VWCE: variants seen among roughly 807,000 people sequenced by gnomAD.
VWCE encodes the protein von Willebrand factor C and EGF domain-containing protein.
Under a neutral mutation model 102.9 loss-of-function variants are expected in VWCE, and 68 were observed. The ratio of observed to expected loss-of-function variants is 0.66; its 90% confidence interval spans 0.54 to 0.81. The LOEUF (loss-of-function observed/expected upper bound fraction) is 0.81, where lower values mean the gene tolerates loss of function less well. Ranked by LOEUF, VWCE falls within the 30% of genes least tolerant of loss-of-function variation. The probability of loss-of-function intolerance (pLI) is 0.00; values close to 1 mark genes in which losing one functional copy is unlikely to be tolerated. For missense variants in VWCE, 1,137 were observed against 1,263.6 expected, an observed-to-expected ratio of 0.90 and a Z score of 1.52; for synonymous variants, 497 against 515.4, an observed-to-expected ratio of 0.96 and a Z score of 0.48.
intron 14 of VWCE, chr11:61,269,472 A>T (rs1291190433): frequency 1.3e-5 from 2 of 157,566 alleles, no homozygotes; most frequent in African/African-American, 2.4e-5. Flanking sequence ...TTTAAGACGG[A>T]GTCTCACTCT....
Position 61,274,333 on chromosome 11 carries a change from G to C in VWCE, c.1581+166C>G, listed in dbSNP as rs569287791. 3.9e-5 allele frequency among the ~76,000 whole-genome samples: 6 copies of C among 152,290 alleles called. No individual in the cohort carries two copies. In the South Asian group the frequency reaches 1.2e-3, roughly 32 times the overall value. ...AGTGTTGAAAGATGAAGTTCAAAGA[G>C]ACTGTGGGAAGACCTGGGGGATCCC... On this transcript the variant is annotated intron_variant, in intron 12 of 19. Transcript: ENST00000335613.
chr11:61,286,017 G>C lies in VWCE; in HGVS notation c.541+297C>G, dbSNP rs187886099. ...GATCCTCCCGCCTTGACCTCCCAAA[G>C]TGCAAGGATTACAGATGTGAGTCAA... On this transcript the variant is annotated intron_variant, in intron 5 of 19. Transcript: ENST00000335613. Among the ~76,000 whole-genome samples, 1,387 of 152,286 alleles carry C rather than the reference G, an allele frequency of 9.1e-3. 27 individuals carry two copies. The highest frequency in any genetic ancestry group is 0.031 in the African/African-American group (1,283 of 41,542).
At chr11:61,292,845 T>C (rs1855549809) in intron 1 of VWCE, among the ~76,000 whole-genome samples, 1 of 151,798 alleles carries the variant, frequency 6.6e-6, no homozygotes, top group African/African-American at 2.4e-5. Context: ...GCATCTAGGC[T>C]GAGGTGAGAG....
rs545899952 is a variant in VWCE at position 61,272,691 on chromosome 11, T to C, written c.1699+508A>G. Among the ~76,000 whole-genome samples, 6 of 150,662 alleles carry C rather than the reference T, an allele frequency of 4.0e-5. No individual in the cohort carries two copies. The South Asian group carries it at 1.1e-3, about 27-fold the overall frequency. ...ACAAATTTACACACATTCATACAAA[T>C]GCACACATACACATACATGCTCACA... On this transcript the variant is annotated intron_variant, in intron 13 of 19. Transcript: ENST00000335613.
Position 61,265,129 on chromosome 11 carries a change from C to A in VWCE, c.2049G>T (p.Val683=), listed in dbSNP as rs759093177. ...PFHPDGECCP[V]CRDCNYEGRK... is the part of the protein sequence containing the mutation. ...GCAGCTGGTCCCACTCACCTCGGCA[C>A]ACGGGGCAGCACTCCCCGTCAGGGT... Residue 683 remains valine, a synonymous_variant, in exon 17 of 20, where the codon GTG becomes GTT. Coordinates refer to ENST00000335613, the MANE Select transcript of VWCE (RefSeq NM_152718.2). 10 of 1,603,760 alleles carry A rather than the reference C, an allele frequency of 6.2e-6. No homozygotes were observed. The highest frequency in any genetic ancestry group is 3.4e-5 in the Admixed American group (2 of 58,692).
intron 9 of VWCE, among the ~76,000 whole-genome samples, chr11:61,280,388 C>G (rs1337757928): frequency 6.6e-6 from 1 of 152,024 alleles, no homozygotes; most frequent in African/African-American, 2.4e-5. Context: ...AAAGTATGGT[C>G]CCTAGACCAG....
rs752238166 is a variant in VWCE, at chr11:61,258,810, G to C, written c.2733C>G (p.Thr911=). The C allele has an allele frequency of 6.6e-7, 1 of 1,506,474 alleles. No homozygotes were observed. Among genetic ancestry groups the C allele is most frequent in the East Asian group, 2.3e-5 (1 of 43,444 alleles). The allele number at this position is 1,506,474 out of a possible 1,614,324, so 93.3% of individuals were successfully genotyped here. Residue 911 remains threonine (T), a synonymous_variant, in exon 20 of 20, where the codon ACC becomes ACG. Coordinates refer to ENST00000335613, the MANE Select transcript of VWCE (RefSeq NM_152718.2). ...CGCGAGGCCCGAGGAGGGTGATGGGGGTCTTCGAGGGGCTGGGGTCCATCA... is the reference window on the plus strand; with the variant it reads ...CGCGAGGCCCGAGGAGGGTGATGGGCGTCTTCGAGGGGCTGGGGTCCATCA... ...LSMMDPSPSK[T]PITLLGPRVL...
At chr11:61,286,960 G>A (rs1217169626) in intron 4 of VWCE, among the ~76,000 whole-genome samples, 5 of 152,092 alleles carry the variant, frequency 3.3e-5, no homozygotes, top group East Asian at 3.9e-4. Flanking sequence ...AGCTGGGCGC[G>A]GTGGCGGGCA....
At chr11:61,264,225 CAAAAAAAAAAAAAA>C (rs547085588) in intron 19 of VWCE, among the ~76,000 whole-genome samples, 1 of 19,986 alleles carries the variant, frequency 5.0e-5, no homozygotes, top group Non-Finnish European at 1.5e-4. Context: ...GACTCAGTCT[CAAAAAAAAAAAAAA>C]AAAAAAAAAA....
At position 61,280,977 on chromosome 11, in the gene VWCE, G is replaced by T; in HGVS notation, c.1046C>A (p.Ser349Tyr). 2.0e-6 allele frequency: 3 copies of T among 1,538,030 alleles called. No homozygotes were observed. Among genetic ancestry groups the T allele is most frequent in the Non-Finnish European group, 2.6e-6 (3 of 1,144,184 alleles). ...GGGGGGTCTGAGGTTCCCCAGCAGGGAGGCAGTAGGCACTGGGGTGGCCAG... is the reference window on the plus strand; with the variant it reads ...GGGGGGTCTGAGGTTCCCCAGCAGGTAGGCAGTAGGCACTGGGGTGGCCAG... Reference protein sequence around the residue: ...TLLATPVPTASLLGNLRPPSL... With the variant: ...TLLATPVPTAYLLGNLRPPSL... The change falls in exon 8 of 20, where the codon TCC (serine) becomes TAC (tyrosine). Residue 349 changes from serine to tyrosine, a missense_variant. This residue lies in a region of VWCE where 575 missense variants were observed against 625.9 expected (regional missense o/e 0.92). Coordinates refer to ENST00000335613, the MANE Select transcript of VWCE (RefSeq NM_152718.2).
chr11:61,282,773 G>A lies in VWCE; in HGVS notation c.658+16C>T, dbSNP rs765850281. 1.9e-6 allele frequency: 3 copies of A among 1,607,502 alleles called. No homozygotes were observed. The highest frequency in any genetic ancestry group is 2.7e-5 in the African/African-American group (2 of 74,782). The stretch of plus-strand genomic sequence containing the variant: ...GCAGCCTAAGTGTGCAGACCACAGG[G>A]TCCTCCCCGCCTTACCTACACAGGA... On this transcript the variant is annotated intron_variant, in intron 6 of 19. Transcript: ENST00000335613.
intron 9 of VWCE, among the ~76,000 whole-genome samples, chr11:61,279,482 A>T (rs1221954108): frequency 6.6e-6 from 1 of 151,850 alleles, no homozygotes; most frequent in Non-Finnish European, 1.5e-5. Flanking sequence ...GGATTGCTTA[A>T]ACCCTAGAGG....
chr11:61,274,711 C>T (rs1038167899), intron 11 of VWCE, 127 bp from the exon 12 acceptor site: 9 of 680,386 alleles, frequency 1.3e-5, no homozygotes, highest in Admixed American at 1.1e-4. Context: ...CAGCATGCTC[C>T]GTGCCCAGGA....
chr11:61,264,551 A>C lies in VWCE; in HGVS notation c.2166T>G (p.Val722=). 1.2e-6 allele frequency: 2 copies of C among 1,612,218 alleles called. No homozygotes were observed. Among genetic ancestry groups the C allele is most frequent in the Non-Finnish European group, 1.7e-6 (2 of 1,179,344 alleles). The change falls in exon 19 of 20, where the codon GTT becomes GTG. Residue 722 remains valine (V), a synonymous_variant. Transcript: ENST00000335613. ...CQLGEVSCEK[V]PCQRACADPA... ...GGTCGGCACAGGCCCGCTGGCAGGG[A>C]ACCTTCTCACAGCTCACCTCTCCCA...
At chr11:61,273,145 GCCTCTCTC>G in intron 13 of VWCE, 46 bp downstream of exon 13, 1 of 1,564,616 alleles carries the variant, frequency 6.4e-7, no homozygotes, top group Non-Finnish European at 8.8e-7. Flanking sequence ...GTGAAGCTCA[GCCTCTCTC>G]CCCAGTATCC....
Position 61,265,228 on chromosome 11 carries a change from A to C in VWCE, c.1966-16T>G. On this transcript the variant is annotated splice_polypyrimidine_tract_variant and intron_variant, in intron 16 of 19. Coordinates refer to ENST00000335613, the MANE Select transcript of VWCE (RefSeq NM_152718.2). ...CTGAGCCCAGCTGCAGGACACAGAAAACACACAAGGCCCTCGGTTCAGGGC... is the reference window on the plus strand; with the variant it reads ...CTGAGCCCAGCTGCAGGACACAGAACACACACAAGGCCCTCGGTTCAGGGC... 6.8e-7 allele frequency: 1 copy of C among 1,466,688 alleles called. No homozygotes were observed. Among genetic ancestry groups the C allele is most frequent in the Non-Finnish European group, 9.0e-7 (1 of 1,107,194 alleles). The allele number at this position is 1,466,688 out of a possible 1,614,324, so 90.9% of individuals were successfully genotyped here. A position where few individuals can be genotyped will look rare whatever the true frequency, so the allele number is the denominator to read the frequency against.
intron 4 of VWCE, among the ~76,000 whole-genome samples, chr11:61,288,921 C>G (rs1590657801): frequency 6.6e-6 from 1 of 151,816 alleles, no homozygotes; most frequent in Middle Eastern, 3.4e-3. Flanking sequence ...TCACTGCAAC[C>G]TCCGCCTCCC....
intron 19 of VWCE, among the ~76,000 whole-genome samples, chr11:61,260,780 TCAAAATA>T (rs1473752090): frequency 2.6e-5 from 4 of 152,100 alleles, no homozygotes; most frequent in African/African-American, 7.2e-5. Flanking sequence ...AGATCAAAAT[TCAAAATA>T]CAAAATACAG....
At chr11:61,263,393 A>C (rs1379968871) in intron 19 of VWCE, among the ~76,000 whole-genome samples, 1 of 152,218 alleles carries the variant, frequency 6.6e-6, no homozygotes, top group Non-Finnish European at 1.5e-5. Context: ...CCAGACACAC[A>C]AAGACAACTA....
Sources: allele counts gnomAD v4.1 joint callset (sites outside exome capture counted in the v4.1 genomes callset), GRCh38; gene constraint gnomAD v4.1.1; regional missense constraint gnomAD v4.1.1; transcripts MANE v1.5; gene names NCBI Gene and HGNC (gene_info 2026-07-23, HGNC 2026-07-21).